Variants in CELF4 observed in about 807,000 individuals in gnomAD.
CELF4 encodes the protein CUG-BP- and ETR-3-like factor 4.
A neutral mutation model predicts 59.9 loss-of-function variants in CELF4; 18 were observed. The ratio of observed to expected loss-of-function variants is 0.30; its 90% CI spans 0.21 to 0.45. The LOEUF (loss-of-function observed/expected upper bound fraction) is 0.45, where lower values mean the gene tolerates loss of function less well. Among genes scored for constraint, CELF4 ranks in the 20% least tolerant of loss-of-function variants. The pLI is 1.00. For missense variants in CELF4, 456 were observed against 689.0 expected, an observed-to-expected ratio of 0.66 and a Z score of 3.79; for synonymous variants, 261 against 267.1, an observed-to-expected ratio of 0.98 and a Z score of 0.22.
intron 2 of CELF4, among the ~76,000 whole-genome samples, chr18:37,391,669 G>T (rs1603634440): frequency 6.6e-6 from 1 of 152,194 alleles, no homozygotes; most frequent in East Asian, 1.9e-4. Flanking sequence ...CTCAATAAAT[G>T]CTGGCTGGTC....
chr18:37,394,897 C>T (rs996299392), intron 2 of CELF4, among the ~76,000 whole-genome samples: 6 of 152,016 alleles, frequency 3.9e-5, no homozygotes, highest in African/African-American at 1.4e-4. Flanking sequence ...CCTGGCAGGC[C>T]TGTCTGGTGG....
At chr18:37,495,286 T>C (rs991414718) in intron 1 of CELF4, among the ~76,000 whole-genome samples, 2 of 152,136 alleles carry the variant, frequency 1.3e-5, no homozygotes, top group Non-Finnish European at 2.9e-5. Context: ...AATTACGTGA[T>C]ATGGGCGACA....
intron 3 of CELF4, among the ~76,000 whole-genome samples, chr18:37,298,873 TAGTC>T (rs1038993585): frequency 6.6e-6 from 1 of 152,190 alleles, no homozygotes; most frequent in Non-Finnish European, 1.5e-5. Flanking sequence ...TAACATGCTG[TAGTC>T]ATGGCTTTCC....
chr18:37,298,778 A>T (rs2095829446), intron 3 of CELF4, among the ~76,000 whole-genome samples: 2 of 150,606 alleles, frequency 1.3e-5, no homozygotes, highest in African/African-American at 4.9e-5. Context: ...ATCTGATAGG[A>T]TCCTCCCCTT....
In CELF4 at chr18:37,321,798, C is replaced by G. The variant is rs1333197500; in HGVS notation, c.448+5G>C. The stretch of plus-strand genomic sequence containing the variant: ...GGGGAGGGGCAGAGACAAGTGGGCC[C>G]TCACGTGAAGGGGGCTGGCGCAGGC... On this transcript the variant is annotated splice_donor_5th_base_variant and intron_variant, in intron 3 of 12. Transcript: ENST00000420428. 1 of 1,607,098 alleles carries G rather than the reference C, an allele frequency of 6.2e-7. No homozygotes were observed. The highest frequency in any genetic ancestry group is 1.3e-5 in the African/African-American group (1 of 74,884).
At chr18:37,359,694 A>G (rs1316546362) in intron 2 of CELF4, among the ~76,000 whole-genome samples, 1 of 152,166 alleles carries the variant, frequency 6.6e-6, no homozygotes, top group Non-Finnish European at 1.5e-5. Context: ...GACTACAGGC[A>G]CGTGCCAACA....
chr18:37,460,135 C>T (rs1603641730), intron 2 of CELF4, among the ~76,000 whole-genome samples: 1 of 152,130 alleles, frequency 6.6e-6, no homozygotes, highest in African/African-American at 2.4e-5. Flanking sequence ...CACCATGGCC[C>T]CAGGGCTCGC....
At chr18:37,312,770 G>A (rs1054479533) in intron 3 of CELF4, among the ~76,000 whole-genome samples, 1 of 152,200 alleles carries the variant, frequency 6.6e-6, no homozygotes, top group Admixed American at 6.5e-5. Context: ...AGGCCTAGGA[G>A]GTGCTGTGTC....
intron 2 of CELF4, among the ~76,000 whole-genome samples, chr18:37,479,717 C>T (rs2099861013): frequency 6.6e-6 from 1 of 152,190 alleles, no homozygotes; most frequent in East Asian, 1.9e-4. Context: ...AGCCACAGGG[C>T]AGCCCCTTTC....
rs1233286015 is a variant in CELF4 at position 37,526,139 on chromosome 18, G to C, written c.286+39217C>G. ...TCTGGAGGAACAGCAGCAAAGAAAT[G>C]TCACATGGCCAGATGGTAGCAGGGC... On this transcript the variant is annotated intron_variant, in intron 1 of 12. Coordinates refer to ENST00000420428, the MANE Select transcript of CELF4 (RefSeq NM_020180.4). Among the ~76,000 whole-genome samples, 2 of 152,306 alleles carry C rather than the reference G, an allele frequency of 1.3e-5. 1 individual carries two copies. The highest frequency in any genetic ancestry group is 3.9e-4 in the East Asian group (2 of 5,178).
In CELF4 at chr18:37,515,750, T is replaced by C. The variant is rs1009930186; in HGVS notation, c.287-30143A>G. 3.4e-4 allele frequency among the ~76,000 whole-genome samples: 52 copies of C among 152,090 alleles called. 1 individual carries two copies. Among genetic ancestry groups the C allele is most frequent in the Non-Finnish European group, 8.8e-5 (6 of 68,022 alleles). On this transcript the variant is annotated intron_variant, in intron 1 of 12. Transcript: ENST00000420428. ...CTCTGGGGGTGTGGGCATGGTGTCC[T>C]GCTTCTTTTATTTCTCCACCAAGAA... is the stretch of plus-strand genomic sequence containing the variant.
intron 3 of CELF4, among the ~76,000 whole-genome samples, chr18:37,299,743 G>C (rs555207588): frequency 2.0e-5 from 3 of 152,212 alleles, no homozygotes; most frequent in Non-Finnish European, 4.4e-5. Flanking sequence ...TTCTCTGGCT[G>C]ATTGCACAGG....
intron 2 of CELF4, among the ~76,000 whole-genome samples, chr18:37,363,765 G>A (rs1005366550): frequency 2.6e-5 from 4 of 152,082 alleles, no homozygotes; most frequent in Non-Finnish European, 5.9e-5. Context: ...CTTTGTGCAC[G>A]CCCCCTGGAC....
intron 2 of CELF4, among the ~76,000 whole-genome samples, chr18:37,437,080 C>G (rs1183004580): frequency 6.6e-6 from 1 of 152,200 alleles, no homozygotes; most frequent in Non-Finnish European, 1.5e-5. Context: ...AGGCAGCTGG[C>G]AGAGTGGCTG....
intron 2 of CELF4, among the ~76,000 whole-genome samples, chr18:37,442,719 C>T (rs928765604): frequency 1.9e-4 from 29 of 152,254 alleles, no homozygotes; most frequent in African/African-American, 5.1e-4. Flanking sequence ...GAGGCTCGGC[C>T]GCTGGTAGCA....
chr18:37,353,749 C>CG (rs369159050), intron 2 of CELF4, among the ~76,000 whole-genome samples: 120 of 19,508 alleles, frequency 6.2e-3, no homozygotes, highest in Admixed American at 0.012. Flanking sequence ...CTGGTGGGGG[C>CG]GGGGGGGGCA....
At chr18:37,506,462 G>A (rs1357632683) in intron 1 of CELF4, among the ~76,000 whole-genome samples, 2 of 152,154 alleles carry the variant, frequency 1.3e-5, no homozygotes, top group East Asian at 3.9e-4. Flanking sequence ...GGCTTGTGCT[G>A]TTGCCAGGAC....
rs2154277968 is a variant in CELF4, at chr18:37,254,000, G to A, written c.1334-62C>T. ...CGGGGCCGCCCGGGGCGCTGCCGGC[G>A]GGGAGGGGTCGGGGGACAGGGGGGC... On this transcript the variant is annotated intron_variant, in intron 11 of 12. Transcript: ENST00000420428. The surrounding 1 kb of genome is among the most constrained non-coding windows in gnomAD (Gnocchi z 4.5). 6.8e-7 allele frequency: 1 copy of A among 1,468,422 alleles called. No individual in the cohort carries two copies. The allele number at this position is 1,468,422 out of a possible 1,614,324, so 91.0% of individuals were successfully genotyped here. A position where few individuals can be genotyped will look rare whatever the true frequency, so the allele number is the denominator to read the frequency against.
chr18:37,467,340 A>G (rs1274487065), intron 2 of CELF4, among the ~76,000 whole-genome samples: 1 of 152,076 alleles, frequency 6.6e-6, no homozygotes, highest in Non-Finnish European at 1.5e-5. Context: ...GCAAGAGGCC[A>G]TTTCTGGGAT....
Sources: allele counts gnomAD v4.1 joint callset (sites outside exome capture counted in the v4.1 genomes callset), GRCh38; gene constraint gnomAD v4.1.1; non-coding constraint Gnocchi (gnomAD v3.1); transcripts MANE v1.5; gene names NCBI Gene and HGNC (gene_info 2026-07-23, HGNC 2026-07-21).